Variants in ZFC3H1 observed in about 807,000 individuals in gnomAD.
ZFC3H1 encodes zinc finger C3H1-type containing, also known as zinc finger C3H1 domain-containing protein.
A neutral mutation model predicts 243.7 loss-of-function variants in ZFC3H1; 71 were observed. The ratio of observed to expected loss-of-function variants is 0.29; its 90% CI spans 0.24 to 0.36. ZFC3H1 has a LOEUF of 0.36. ZFC3H1 is among the 10% of genes least tolerant of loss of function. ZFC3H1 has a pLI of 1.00. For synonymous variants in ZFC3H1, 838 were observed against 813.0 expected, an observed-to-expected ratio of 1.03 and a Z score of -0.52; for missense variants, 1,966 against 2,317.1, an observed-to-expected ratio of 0.85 and a Z score of 3.11.
At chr12:71,632,616 T>C (rs1427004348) in intron 14 of ZFC3H1, 102 bp from the exon 15 acceptor site, 2 of 1,365,896 alleles carry the variant, frequency 1.5e-6, no homozygotes, top group East Asian at 4.8e-5. Flanking sequence ...GCCAACATTA[T>C]AAAACTAAAT....
At chr12:71,649,091 C>CAAAAAAAAAAAAAA (rs35231608) in intron 2 of ZFC3H1, among the ~76,000 whole-genome samples, 3 of 89,822 alleles carry the variant, frequency 3.3e-5, no homozygotes, top group Non-Finnish European at 4.8e-5. Flanking sequence ...ACTCTTGTCT[C>CAAAAAAAAAAAAAA]AAAAAAAAAA....
chr12:71,662,497 T>TCCCCCC (rs150388437), intron 1 of ZFC3H1, among the ~76,000 whole-genome samples: 9 of 103,486 alleles, frequency 8.7e-5, no homozygotes, highest in South Asian at 3.5e-4. Context: ...TTTTTACCCC[T>TCCCCCC]CCCCCCCCCA....
At chr12:71,634,615 C>CA in intron 11 of ZFC3H1, 89 bp downstream of exon 11, 6 of 1,373,500 alleles carry the variant, frequency 4.4e-6, no homozygotes, top group Non-Finnish European at 5.9e-6. Context: ...AAACTATCAT[C>CA]ACTCATTCCC....
rs1881229760 is a variant in ZFC3H1 at position 71,663,075 on chromosome 12, C to T, written c.536G>A (p.Gly179Glu). 3.1e-6 allele frequency: 5 copies of T among 1,613,772 alleles called. No homozygotes were observed. Among genetic ancestry groups the T allele is most frequent in the Middle Eastern group, 3.3e-4 (2 of 6,080 alleles). ...KPGCRPPLGG[G>E]AGSGFSSSQS... is the part of the protein sequence containing the mutation. ...ACTGCTGCTGAACCCGGATCCTGCT[C>T]CTCCTCCCAGAGGAGGTCTGCACCC... Residue 179 changes from glycine to glutamate, a missense_variant, in exon 1 of 35, where the codon GGA (glycine) becomes GAA (glutamate). By Grantham distance (98) the Gly-to-Glu change is moderately conservative (BLOSUM62 -2). This residue lies in a region of ZFC3H1 where 484 missense variants were observed against 449.7 expected (regional missense o/e 1.08). Transcript: ENST00000378743.
chr12:71,646,872 G>C (rs532362618), intron 3 of ZFC3H1, among the ~76,000 whole-genome samples: 5 of 152,334 alleles, frequency 3.3e-5, no homozygotes, highest in Admixed American at 6.5e-5. Context: ...AGCTAAGCTC[G>C]TTAGTTCCCA....
chr12:71,647,585 G>A (rs1880760231), intron 3 of ZFC3H1, among the ~76,000 whole-genome samples, 164 bp downstream of exon 3: 1 of 152,134 alleles, frequency 6.6e-6, no homozygotes, highest in African/African-American at 2.4e-5. Context: ...GAGACTGCAA[G>A]ATGTCGATCC....
At chr12:71,628,615 C>T (rs1363893892) in intron 20 of ZFC3H1, among the ~76,000 whole-genome samples, 5 of 152,138 alleles carry the variant, frequency 3.3e-5, no homozygotes, top group East Asian at 1.9e-4. Context: ...GGTTCTCAAA[C>T]GGGAGCTACC....
chr12:71,632,256 T>A lies in ZFC3H1; in HGVS notation c.3076A>T (p.Thr1026Ser). Residue 1026 changes from threonine (T) to serine (S), a missense_variant, in exon 15 of 35, where the codon ACT (threonine) becomes TCT (serine). Physicochemically the swap from Thr to Ser is moderately conservative, Grantham distance 58. Coordinates refer to ENST00000378743, the MANE Select transcript of ZFC3H1 (RefSeq NM_144982.5). Reference protein sequence around the residue: ...DLTQDKLTLDTEENDVDDEIL... With the variant: ...DLTQDKLTLDSEENDVDDEIL... The stretch of plus-strand genomic sequence containing the variant: ...TCATCATCAACATCATTTTCTTCAG[T>A]GTCCAGGGTTAATTTATCTTGTGTC... 3 of 1,612,700 alleles carry A rather than the reference T, an allele frequency of 1.9e-6. No homozygotes were observed.
rs1334291737 is a variant in ZFC3H1 at position 71,611,342 on chromosome 12, C to T, written c.5730-245G>A. 1.2e-4 allele frequency: 28 copies of T among 243,442 alleles called. 1 individual carries two copies. The highest frequency in any genetic ancestry group is 3.8e-5 in the Non-Finnish European group (5 of 132,134). The allele number at this position is 243,442 out of a possible 1,614,324, so 15.1% of individuals were successfully genotyped here. On this transcript the variant is annotated intron_variant, in intron 32 of 34. Transcript: ENST00000378743. ...GTGTTTTGAACATAAATAACGTTCA[C>T]AGGAGAAAAAAAAAACAACAACAAC...
At chr12:71,649,257 T>C (rs756285749) in intron 2 of ZFC3H1, among the ~76,000 whole-genome samples, 9 of 152,134 alleles carry the variant, frequency 5.9e-5, no homozygotes, top group Non-Finnish European at 8.8e-5. Context: ...ACTTCAAACA[T>C]CTATCAAATA....
intron 30 of ZFC3H1, chr12:71,613,835 G>A (rs1879830312): frequency 6.5e-6 from 1 of 154,138 alleles, no homozygotes. Context: ...TGGCATAGAA[G>A]TACAAAGCAT....
Position 71,627,791 on chromosome 12 carries a change from A to T in ZFC3H1, c.4090T>A (p.Trp1364Arg), listed in dbSNP as rs1268152594. ...VLENPSHVQL[W>R]LKLAYKYLNQ... ...AAGTACTTGTACGCAAGCTTGAGCC[A>T]AAGTTGTACATGAGAAGGATTTTCA... The change falls in exon 21 of 35, where the codon TGG (tryptophan) becomes AGG (arginine). Residue 1364 changes from tryptophan to arginine, a missense_variant. This residue lies in a region of ZFC3H1 where 1,383 missense variants were observed against 1,723.7 expected (regional missense o/e 0.80). Coordinates refer to ENST00000378743, the MANE Select transcript of ZFC3H1 (RefSeq NM_144982.5). 1.9e-6 allele frequency: 3 copies of T among 1,613,686 alleles called. No homozygotes were observed. Among genetic ancestry groups the T allele is most frequent in the Non-Finnish European group, 2.5e-6 (3 of 1,179,808 alleles).
Position 71,663,465 on chromosome 12 carries a change from A to C in ZFC3H1, c.146T>G (p.Leu49Arg). Residue 49 changes from leucine to arginine, a missense_variant, in exon 1 of 35, where the codon CTG (leucine) becomes CGG (arginine). Physicochemically the swap from Leu to Arg is moderately radical, Grantham distance 102. Coordinates refer to ENST00000378743, the MANE Select transcript of ZFC3H1 (RefSeq NM_144982.5). ...AGGCCTTCGCCGCGGATAGGGTAAC[A>C]GCCCGCCGCCGCTGCTGCTGCTGCT... Reference protein sequence around the residue: ...RSSSSSSGGGLLPYPRRRPPH... With the variant: ...RSSSSSSGGGRLPYPRRRPPH... The C allele has an allele frequency of 2.5e-6, 4 of 1,612,672 alleles. No individual in the cohort carries two copies. Among genetic ancestry groups the C allele is most frequent in the Non-Finnish European group, 3.4e-6 (4 of 1,180,038 alleles).
chr12:71,656,317 A>G (rs545084874), intron 2 of ZFC3H1: 2 of 386,596 alleles, frequency 5.2e-6, no homozygotes, highest in Non-Finnish European at 9.1e-6. Flanking sequence ...ATAAAGAGGA[A>G]AAGAAAAAAC....
intron 21 of ZFC3H1, 34 bp downstream of exon 21, chr12:71,627,717 C>A: frequency 6.4e-7 from 1 of 1,570,586 alleles, no homozygotes; most frequent in South Asian, 1.2e-5. Context: ...TATAAATGTG[C>A]AACTGTTTAC....
chr12:71,651,673 G>T (rs1308473026), intron 2 of ZFC3H1, among the ~76,000 whole-genome samples: 4 of 152,174 alleles, frequency 2.6e-5, no homozygotes, highest in Non-Finnish European at 4.4e-5. Flanking sequence ...TCAAAAGCTG[G>T]TACCGACTAG....
intron 25 of ZFC3H1, 42 bp downstream of exon 25, chr12:71,620,168 A>AC: frequency 6.2e-7 from 1 of 1,611,898 alleles, no homozygotes; most frequent in Non-Finnish European, 8.5e-7. Flanking sequence ...TGAAAAGATC[A>AC]CTTTTTAATA....
intron 1 of ZFC3H1, among the ~76,000 whole-genome samples, chr12:71,659,479 C>T (rs1190833912): frequency 6.6e-6 from 1 of 152,052 alleles, no homozygotes; most frequent in Non-Finnish European, 1.5e-5. Flanking sequence ...GTTTCTCACT[C>T]TCCCTTCCCC....
chr12:71,640,597 G>T (rs965208761), intron 6 of ZFC3H1, among the ~76,000 whole-genome samples: 1 of 152,068 alleles, frequency 6.6e-6, no homozygotes, highest in Non-Finnish European at 1.5e-5. Context: ...TGCAACTGCA[G>T]TTCCTGCTCT....
Sources: allele counts gnomAD v4.1 joint callset (sites outside exome capture counted in the v4.1 genomes callset), GRCh38; gene constraint gnomAD v4.1.1; regional missense constraint gnomAD v4.1.1; transcripts MANE v1.5; gene names NCBI Gene and HGNC (gene_info 2026-07-23, HGNC 2026-07-21).